CARMIL2: variants seen among roughly 807,000 people sequenced by gnomAD.
CARMIL2 encodes the protein capping protein regulator and myosin 1 linker 2.
In CARMIL2, 96 loss-of-function variants were observed where a neutral mutation model predicts 173.3. That is an observed-to-expected ratio of 0.55 (90% CI 0.47 to 0.66). The LOEUF is 0.66. CARMIL2 is among the 30% of genes least tolerant of loss of function. CARMIL2 has a pLI of 0.00. For missense variants in CARMIL2, 1,771 were observed against 1,906.7 expected (o/e 0.93, Z 1.33); for synonymous variants, 830 against 817.1 (o/e 1.02, Z -0.27).
In CARMIL2 at chr16:67,651,619, G is replaced by A. The variant is rs899431930; in HGVS notation, c.2428-66G>A. 18 of 1,577,300 alleles carry A rather than the reference G, an allele frequency of 1.1e-5. No individual in the cohort carries two copies. Among genetic ancestry groups the A allele is most frequent in the Non-Finnish European group, 1.5e-5 (18 of 1,162,346 alleles). ...CTGACTCAATATTCTGTTGGAGTTG[G>A]AGCCTCAAGCCAGCAGCCTGGTGTC... On this transcript the variant is annotated intron_variant, in intron 24 of 37. Coordinates refer to ENST00000334583, the MANE Select transcript of CARMIL2 (RefSeq NM_001013838.3). The surrounding 1 kb of genome is among the most constrained non-coding windows in gnomAD (Gnocchi z 4.2).
Position 67,646,696 on chromosome 16 carries a change from C to T in CARMIL2, c.467-18C>T, listed in dbSNP as rs2052600422. 7 of 1,613,300 alleles carry T rather than the reference C, an allele frequency of 4.3e-6. No homozygotes were observed. Among genetic ancestry groups the T allele is most frequent in the Non-Finnish European group, 5.9e-6 (7 of 1,179,398 alleles). On this transcript the variant is annotated intron_variant, in intron 6 of 37. Coordinates refer to ENST00000334583, the MANE Select transcript of CARMIL2 (RefSeq NM_001013838.3). The surrounding 1 kb of genome is among the most constrained non-coding windows in gnomAD (Gnocchi z 4.6). ...TGTCTCTCTCCTTTTCCACATCGCA[C>T]CCCTATCCCCTCCCCAGGTGGCTTC...
At chr16:67,655,044 ACCTTTCTTC>A in intron 32 of CARMIL2, 144 bp downstream of exon 32, 1 of 1,190,152 alleles carries the variant, frequency 8.4e-7, no homozygotes, top group African/African-American at 1.5e-5. Flanking sequence ...TACAGATTCG[ACCTTTCTTC>A]CCTCTTGGCT....
In CARMIL2 at chr16:67,649,946, T is replaced by A; in HGVS notation, c.2060T>A (p.Leu687Gln). The change falls in exon 21 of 38, where the codon CTG becomes CAG. Residue 687 changes from leucine (L) to glutamine (Q), a missense_variant. Transcript: ENST00000334583. This position sits in a 1 kb window ranked among gnomAD's most constrained non-coding sequence, Gnocchi z 6.7. ...CAGGCGCAGCGCAGCCGCCCGGAAC[T>A]GACAGCACGTGCAGTCCATCAGGTG... ...VAQAQRSRPE[L>Q]TARAVHQIQA... 1 of 1,613,322 alleles carries A rather than the reference T, an allele frequency of 6.2e-7. No individual in the cohort carries two copies. The highest frequency in any genetic ancestry group is 8.5e-7 in the Non-Finnish European group (1 of 1,179,774).
Position 67,657,056 on chromosome 16 carries a change from C to T in CARMIL2, c.4117+175C>T. On this transcript the variant is annotated intron_variant, in intron 36 of 37. Transcript: ENST00000334583. This position sits in a 1 kb window ranked among gnomAD's most constrained non-coding sequence, Gnocchi z 4.5. ...TTTGACAGCAAGCCCTTCCAACTAG[C>T]ACTGGCTCCACTTCCCGAAGAGCAG... is the stretch of plus-strand genomic sequence containing the variant. 3 of 747,562 alleles carry T rather than the reference C, an allele frequency of 4.0e-6. No homozygotes were observed. The South Asian group carries it at 5.4e-5, about 14-fold the overall frequency. 46.3% of individuals were successfully genotyped at this position (747,562 alleles called of 1,614,324 possible). A position where few individuals can be genotyped will look rare whatever the true frequency, so the allele number is the denominator to read the frequency against.
chr16:67,648,547 T>G lies in CARMIL2; in HGVS notation c.1439+45T>G, dbSNP rs1299252455. The G allele has an allele frequency of 3.1e-5, 37 of 1,206,236 alleles. No homozygotes were observed. The highest frequency in any genetic ancestry group is 4.0e-5 in the Non-Finnish European group (36 of 896,738). The allele number at this position is 1,206,236 out of a possible 1,614,324, so 74.7% of individuals were successfully genotyped here. ...CACGCCCCCGCGGGCGCTCCCACCCTGCCCTGGCCTTCGCCCCTCCCCGCT... is the reference window on the plus strand; with the variant it reads ...CACGCCCCCGCGGGCGCTCCCACCCGGCCCTGGCCTTCGCCCCTCCCCGCT... On this transcript the variant is annotated intron_variant, in intron 15 of 37. Coordinates refer to ENST00000334583, the MANE Select transcript of CARMIL2 (RefSeq NM_001013838.3). This position sits in a 1 kb window ranked among gnomAD's most constrained non-coding sequence, Gnocchi z 6.1.
Position 67,648,763 on chromosome 16 carries a change from C to G in CARMIL2, c.1509+9C>G, listed in dbSNP as rs779951072. 1.3e-6 allele frequency: 2 copies of G among 1,597,056 alleles called. No homozygotes were observed. The highest frequency in any genetic ancestry group is 1.7e-6 in the Non-Finnish European group (2 of 1,172,488). Reference sequence around the variant, plus strand: ...ACCTCAGCGCTTGCGAGGTGAGCGCCGGCCCCCAGAAGAGACCACACATTG... The same window carrying G: ...ACCTCAGCGCTTGCGAGGTGAGCGCGGGCCCCCAGAAGAGACCACACATTG... On this transcript the variant is annotated intron_variant, in intron 16 of 37. Transcript: ENST00000334583. The surrounding 1 kb of genome is among the most constrained non-coding windows in gnomAD (Gnocchi z 6.1).
Position 67,656,286 on chromosome 16 carries a change from CTCTGTG to C in CARMIL2, c.3806_3811del (p.Val1269_Ser1270del), listed in dbSNP as rs1326565235. 1 of 1,613,894 alleles carries C rather than the reference CTCTGTG, an allele frequency of 6.2e-7. No individual in the cohort carries two copies. Among genetic ancestry groups the C allele is most frequent in the African/African-American group, 1.3e-5 (1 of 74,934 alleles). ...CCATCTCGATCAAGTCCCGCACCCA[CTCTGTG>C]TCTGCTGGTGAGTGAGGGCCACTGT... On this transcript the variant is annotated inframe_deletion, in exon 34 of 38. Transcript: ENST00000334583.
In CARMIL2 at chr16:67,652,658, C is replaced by A; in HGVS notation, c.2884+120C>A. 10 of 1,013,920 alleles carry A rather than the reference C, an allele frequency of 9.9e-6. No homozygotes were observed. The highest frequency in any genetic ancestry group is 1.5e-5 in the Non-Finnish European group (10 of 679,022). 62.8% of individuals were successfully genotyped at this position (1,013,920 alleles called of 1,614,324 possible). Reference sequence around the variant, plus strand: ...TGTCTGGGTACCCACCAGCCCTTGACTGGGCCAGGTCGGGCCCCTTGTGCA... The same window carrying A: ...TGTCTGGGTACCCACCAGCCCTTGAATGGGCCAGGTCGGGCCCCTTGTGCA... On this transcript the variant is annotated intron_variant, in intron 28 of 37. Transcript: ENST00000334583. The surrounding 1 kb of genome is among the most constrained non-coding windows in gnomAD (Gnocchi z 4.7).
intron 32 of CARMIL2, among the ~76,000 whole-genome samples, 191 bp from the exon 33 acceptor site, chr16:67,655,840 A>C (rs1446217633): frequency 2.6e-5 from 4 of 152,182 alleles, no homozygotes; most frequent in Non-Finnish European, 5.9e-5. Context: ...CAAACAAAAA[A>C]CATGAAGTCG....
At position 67,647,753 on chromosome 16, in the gene CARMIL2, G is replaced by T; in HGVS notation, c.945G>T (p.Gly315=). The part of the protein sequence containing the change: ...ALRRLSLAQT[G]LTPRGMRALG... The stretch of plus-strand genomic sequence containing the variant: ...GGAGACTCAGCCTGGCCCAGACAGG[G>T]TTGACACCGCGAGGTAGGCTGGATG... Residue 315 remains glycine (G), a synonymous_variant, in exon 12 of 38, where the codon GGG becomes GGT. Coordinates refer to ENST00000334583, the MANE Select transcript of CARMIL2 (RefSeq NM_001013838.3). 1 of 1,476,438 alleles carries T rather than the reference G, an allele frequency of 6.8e-7. No individual in the cohort carries two copies. The highest frequency in any genetic ancestry group is 9.1e-7 in the Non-Finnish European group (1 of 1,102,020). The allele number at this position is 1,476,438 out of a possible 1,614,324, so 91.5% of individuals were successfully genotyped here.
In CARMIL2 at chr16:67,652,186, C is replaced by G. The variant is rs768561211; in HGVS notation, c.2677-13C>G. The G allele has an allele frequency of 6.2e-6, 10 of 1,610,502 alleles. No homozygotes were observed. The Admixed American group carries it at 1.5e-4, about 24-fold the overall frequency. On this transcript the variant is annotated splice_polypyrimidine_tract_variant and intron_variant, in intron 26 of 37. Coordinates refer to ENST00000334583, the MANE Select transcript of CARMIL2 (RefSeq NM_001013838.3). The surrounding 1 kb of genome is among the most constrained non-coding windows in gnomAD (Gnocchi z 4.7). ...AGGCCCTACCTGCCATCTTTGGCTG[C>G]TTGGTATTGCAGGTGGAGAGTCTGG...
rs767034686 is a variant in CARMIL2 at position 67,652,381 on chromosome 16, C to A, written c.2817+42C>A. 5 of 1,611,888 alleles carry A rather than the reference C, an allele frequency of 3.1e-6. No homozygotes were observed. In the Admixed American group the frequency reaches 6.7e-5, roughly 22 times the overall value. ...CACGGGGCATGGCACTCCCAGTCTTCCCATCTTGCTGTGGAGTGTGGAAGG... is the reference window on the plus strand; with the variant it reads ...CACGGGGCATGGCACTCCCAGTCTTACCATCTTGCTGTGGAGTGTGGAAGG... On this transcript the variant is annotated intron_variant, in intron 27 of 37. Coordinates refer to ENST00000334583, the MANE Select transcript of CARMIL2 (RefSeq NM_001013838.3). This position sits in a 1 kb window ranked among gnomAD's most constrained non-coding sequence, Gnocchi z 4.7.
In CARMIL2 at chr16:67,647,933, C is replaced by A. The variant is rs376307876; in HGVS notation, c.1046C>A (p.Ala349Glu). Reference protein sequence around the residue: ...THLDLSGNPGALGASEDSGGL... With the variant: ...THLDLSGNPGELGASEDSGGL... ...CTGGACCTTTCTGGGAATCCTGGGG[C>A]GCTGGGGGCCTCCGAGGACAGTGGG... is the stretch of plus-strand genomic sequence containing the variant. Residue 349 changes from alanine (A) to glutamate (E), a missense_variant, in exon 13 of 38, where the codon GCG becomes GAG. Around this residue, in one of 3 missense-constraint regions of CARMIL2, gnomAD observed 944 missense variants for 975.6 expected, o/e 0.97. Coordinates refer to ENST00000334583, the MANE Select transcript of CARMIL2 (RefSeq NM_001013838.3). 6.2e-7 allele frequency: 1 copy of A among 1,609,654 alleles called. No homozygotes were observed. Among genetic ancestry groups the A allele is most frequent in the Non-Finnish European group, 8.5e-7 (1 of 1,177,860 alleles).
In CARMIL2 at chr16:67,649,171, A is replaced by T. The variant is rs2052664900; in HGVS notation, c.1687A>T (p.Lys563Ter). Residue 563 changes from lysine to a stop codon, truncating the protein, a stop_gained and splice_region_variant, in exon 18 of 38, where the codon AAG (lysine) becomes TAG (stop). Transcript: ENST00000334583. LOFTEE classifies it high-confidence loss of function. This position sits in a 1 kb window ranked among gnomAD's most constrained non-coding sequence, Gnocchi z 6.7. ...ALGRNFNVRC[K>*]ETLDDVLHRI... ...TGGAAGGAACTTCAACGTCCGGTGC[A>T]AGTGAGCCCCCACCCTACTCCTGGG... 4 of 1,613,334 alleles carry T rather than the reference A, an allele frequency of 2.5e-6. No individual in the cohort carries two copies. The highest frequency in any genetic ancestry group is 3.4e-6 in the Non-Finnish European group (4 of 1,179,684).
chr16:67,657,260 G>A lies in CARMIL2; in HGVS notation c.4139G>A (p.Arg1380His), dbSNP rs551621871. 23 of 1,613,512 alleles carry A rather than the reference G, an allele frequency of 1.4e-5. No individual in the cohort carries two copies. The highest frequency in any genetic ancestry group is 1.6e-5 in the Non-Finnish European group (19 of 1,179,794). The change falls in exon 37 of 38, where the codon CGC becomes CAC. Residue 1380 changes from arginine (R) to histidine (H), a missense_variant. Transcript: ENST00000334583. This position sits in a 1 kb window ranked among gnomAD's most constrained non-coding sequence, Gnocchi z 4.5. ...TTAGAACGGCCCCTGAGGCTGCAGC[G>A]CTCCCCCGTCCTCAAACGCAGGCCA... ...APAERPLRLQ[R>H]SPVLKRRPKL...
Position 67,654,462 on chromosome 16 carries a change from G to T in CARMIL2, c.3352G>T (p.Glu1118Ter). ...RSTRGPRTDL[E>*]TSPGAAPRTR... ...AACGCGGGGTCCACGGACTGATCTAGAGACCAGCCCTGGGGCAGCTCCCCG... is the reference window on the plus strand; with the variant it reads ...AACGCGGGGTCCACGGACTGATCTATAGACCAGCCCTGGGGCAGCTCCCCG... The change falls in exon 31 of 38, where the codon GAG (glutamate) becomes TAG (stop). Residue 1118 changes from glutamate to a stop codon, truncating the protein, a stop_gained. Transcript: ENST00000334583. LOFTEE classifies it high-confidence loss of function. 6.2e-7 allele frequency: 1 copy of T among 1,613,070 alleles called. No homozygotes were observed. The highest frequency in any genetic ancestry group is 8.5e-7 in the Non-Finnish European group (1 of 1,179,684).
At position 67,647,129 on chromosome 16, in the gene CARMIL2, A is replaced by C; in HGVS notation, c.625A>C (p.Ser209Arg). The C allele has an allele frequency of 6.2e-7, 1 of 1,613,502 alleles. No homozygotes were observed. Among genetic ancestry groups the C allele is most frequent in the Non-Finnish European group, 8.5e-7 (1 of 1,179,768 alleles). The change falls in exon 9 of 38, where the codon AGT becomes CGT. Residue 209 changes from serine to arginine, a missense_variant. Ser to Arg is a moderately radical substitution (Grantham distance 110). Transcript: ENST00000334583. ...CCCTCCCACCAGGGACCTGGCCTTG[A>C]GTGTGGCTGCCCTGTCCTACAACCT... ...SHLGSRDLALSVAALSYNLWF... is the reference protein window; with the variant it reads ...SHLGSRDLALRVAALSYNLWF...
Position 67,651,826 on chromosome 16 carries a change from G to C in CARMIL2, c.2569G>C (p.Asp857His). 6.2e-7 allele frequency: 1 copy of C among 1,612,346 alleles called. No individual in the cohort carries two copies. The highest frequency in any genetic ancestry group is 8.5e-7 in the Non-Finnish European group (1 of 1,179,594). The change falls in exon 25 of 38, where the codon GAT becomes CAT. Residue 857 changes from aspartate (D) to histidine (H), a missense_variant. By Grantham distance (81) the Asp-to-His change is moderately conservative (BLOSUM62 -1). This residue lies in a region of CARMIL2 where 817 missense variants were observed against 903.5 expected (regional missense o/e 0.90). Transcript: ENST00000334583. This position sits in a 1 kb window ranked among gnomAD's most constrained non-coding sequence, Gnocchi z 4.2. Reference sequence around the variant, plus strand: ...GCTGCTCCCAGAGCAGCTGCTGCAAGATGCCTTCACTAGGCTCAGGTAGGC... The same window carrying C: ...GCTGCTCCCAGAGCAGCTGCTGCAACATGCCTTCACTAGGCTCAGGTAGGC... ...PELLPEQLLQDAFTRLRDMRL... is the reference protein window; with the variant it reads ...PELLPEQLLQHAFTRLRDMRL...
At position 67,649,710 on chromosome 16, in the gene CARMIL2, G is replaced by A. The variant is rs935980180; in HGVS notation, c.1919+91G>A. On this transcript the variant is annotated intron_variant, in intron 20 of 37. Transcript: ENST00000334583. This position sits in a 1 kb window ranked among gnomAD's most constrained non-coding sequence, Gnocchi z 6.7. ...AAGGGGAGGGACTGAATGAGGCGGA[G>A]CAAATGGAGCAGGCTGACGAGGCGA... 6 of 1,564,006 alleles carry A rather than the reference G, an allele frequency of 3.8e-6. No homozygotes were observed. In the African/African-American group the frequency reaches 6.7e-5, roughly 18 times the overall value.
Sources: gnomAD v4.1 joint callset for allele counts (sites outside exome capture counted in the v4.1 genomes callset) on GRCh38, gnomAD v4.1.1 for gene constraint, gnomAD v4.1.1 regional missense constraint, Gnocchi (gnomAD v3.1) non-coding constraint, MANE v1.5 for transcripts, NCBI Gene and HGNC (gene_info 2026-07-23, HGNC 2026-07-21) for gene names.